The following SYN3 variants were observed in gnomAD, a reference collection of about 807,000 sequenced individuals.
SYN3 encodes the protein synapsin-3.
SYN3 carries 35 observed loss-of-function variants against 65.8 expected under a neutral mutation model. The observed-to-expected ratio is 0.53, with a 90% CI of 0.41 to 0.70. The LOEUF is 0.70. Among genes scored for constraint, SYN3 ranks in the 30% least tolerant of loss-of-function variants. The probability of loss-of-function intolerance (pLI) is 0.00; values close to 1 mark genes in which losing one functional copy is unlikely to be tolerated. For synonymous variants in SYN3, 270 were observed against 292.9 expected, an observed-to-expected ratio of 0.92 and a Z score of 0.80; for missense variants, 680 against 749.0, an observed-to-expected ratio of 0.91 and a Z score of 1.08.
In SYN3 at chr22:33,006,389, T is replaced by G; in HGVS notation, c.274A>C (p.Arg92=). Residue 92 remains arginine, a synonymous_variant, in exon 2 of 14, where the codon AGG becomes CGG. Coordinates refer to ENST00000358763, the MANE Select transcript of SYN3 (RefSeq NM_003490.4). Reference sequence around the variant, plus strand: ...GCATCATCGATCACCAACAGGATCCTGGGTCTTTGAACAATGGGCGTGGAG... The same window carrying G: ...GCATCATCGATCACCAACAGGATCCGGGGTCTTTGAACAATGGGCGTGGAG... The part of the protein sequence containing the change: ...GPSTPIVQRP[R]ILLVIDDAHT... 2 of 1,613,906 alleles carry G rather than the reference T, an allele frequency of 1.2e-6. No homozygotes were observed. Among genetic ancestry groups the G allele is most frequent in the Non-Finnish European group, 8.5e-7 (1 of 1,179,912 alleles).
chr22:32,758,705 T>TATATATATATAGA (rs1277216646), intron 6 of SYN3, among the ~76,000 whole-genome samples: 1 of 109,694 alleles, frequency 9.1e-6, no homozygotes, highest in Non-Finnish European at 2.0e-5. Flanking sequence ...TATATATGTC[T>TATATATATATAGA]TATTAGTTCT....
At chr22:32,898,903 C>A (rs893079556) in intron 4 of SYN3, among the ~76,000 whole-genome samples, 1 of 152,156 alleles carries the variant, frequency 6.6e-6, no homozygotes, top group African/African-American at 2.4e-5. Flanking sequence ...GAGACCGAGA[C>A]CATCCTAGCC....
intron 2 of SYN3, among the ~76,000 whole-genome samples, 168 bp from the exon 3 acceptor site, chr22:32,980,870 T>C (rs1390173253): frequency 1.3e-5 from 2 of 152,042 alleles, no homozygotes; most frequent in East Asian, 3.9e-4. Context: ...TTTTTTTCTT[T>C]TGAGACGGAG....
chr22:32,691,649 G>A (rs1261927249), intron 6 of SYN3, among the ~76,000 whole-genome samples: 2 of 152,018 alleles, frequency 1.3e-5, no homozygotes, highest in African/African-American at 2.4e-5. Context: ...GAGAATGAGA[G>A]CAAAGTAGTT....
intron 6 of SYN3, among the ~76,000 whole-genome samples, chr22:32,813,365 T>C (rs1414942958): frequency 6.6e-6 from 1 of 152,148 alleles, no homozygotes; most frequent in Non-Finnish European, 1.5e-5. Flanking sequence ...AGGTCCCTTC[T>C]GGAGGGGACA....
Position 32,647,733 on chromosome 22 carries a change from G to A in SYN3, c.712-50997C>T, listed in dbSNP as rs528481962. ...AAGCAATTCTTCTGCCTCAGCCTCC[G>A]GAGTAGCTGGGATTACAGGTGCGCG... is the stretch of plus-strand genomic sequence containing the variant. On this transcript the variant is annotated intron_variant, in intron 6 of 13. Coordinates refer to ENST00000358763, the MANE Select transcript of SYN3 (RefSeq NM_003490.4). 5.3e-5 allele frequency among the ~76,000 whole-genome samples: 8 copies of A among 152,040 alleles called. No individual in the cohort carries two copies. In the South Asian group the frequency reaches 8.3e-4, roughly 16 times the overall value.
intron 6 of SYN3, among the ~76,000 whole-genome samples, chr22:32,827,476 A>G (rs62232917): frequency 0.039 from 5,958 of 152,264 alleles, 157 homozygotes; most frequent in Non-Finnish European, 0.055. Context: ...ATGTGATGAT[A>G]TCTACCTCCT....
rs758872641 is a variant in SYN3, at chr22:32,676,047, C to T, written c.712-79311G>A. The stretch of plus-strand genomic sequence containing the variant: ...GTGGTCCAGAGCACTCTTCCAGCCC[C>T]AGGATGAACTCTGAGGATGAAGACT... On this transcript the variant is annotated intron_variant, in intron 6 of 13. Coordinates refer to ENST00000358763, the MANE Select transcript of SYN3 (RefSeq NM_003490.4). 3.5e-3 allele frequency among the ~76,000 whole-genome samples: 525 copies of T among 151,568 alleles called. 2 individuals carry two copies. Among genetic ancestry groups the T allele is most frequent in the Non-Finnish European group, 5.1e-3 (342 of 67,568 alleles).
chr22:33,026,677 G>A (rs932572773), intron 1 of SYN3, among the ~76,000 whole-genome samples: 20 of 152,128 alleles, frequency 1.3e-4, no homozygotes, highest in African/African-American at 4.6e-4. Flanking sequence ...GACTGGTCCT[G>A]TTGCCCCTGG....
intron 3 of SYN3, among the ~76,000 whole-genome samples, chr22:32,966,350 G>A (rs2051843850): frequency 6.6e-6 from 1 of 152,168 alleles, no homozygotes; most frequent in East Asian, 1.9e-4. Flanking sequence ...GCATGGAGAT[G>A]TGACTCCAAG....
intron 6 of SYN3, among the ~76,000 whole-genome samples, chr22:32,728,339 T>C (rs2061225202): frequency 6.6e-6 from 1 of 152,238 alleles, no homozygotes; most frequent in Admixed American, 6.5e-5. Context: ...TCTCCCATCA[T>C]GCTCCCCTGT....
At chr22:32,535,635 T>G in intron 9 of SYN3, among the ~76,000 whole-genome samples, 1 of 152,224 alleles carries the variant, frequency 6.6e-6, no homozygotes. Flanking sequence ...AAATTTGAGC[T>G]GAGGTCCAGA....
intron 4 of SYN3, among the ~76,000 whole-genome samples, chr22:32,891,712 G>A (rs185436492): frequency 2.6e-5 from 4 of 152,106 alleles, no homozygotes; most frequent in Non-Finnish European, 4.4e-5. Flanking sequence ...TGTTTTCAGG[G>A]CCACGCACAC....
intron 2 of SYN3, among the ~76,000 whole-genome samples, chr22:32,996,158 T>C (rs968193547): frequency 2.6e-5 from 4 of 152,168 alleles, no homozygotes; most frequent in Non-Finnish European, 5.9e-5. Flanking sequence ...AGAGTATCCA[T>C]TCATTCCTTA....
chr22:32,811,519 C>T (rs993530112), intron 6 of SYN3, among the ~76,000 whole-genome samples: 6 of 152,112 alleles, frequency 3.9e-5, no homozygotes, highest in Non-Finnish European at 8.8e-5. Flanking sequence ...GTGGTTTGAT[C>T]CCCCCGCCTC....
At chr22:32,793,915 T>G (rs556830142) in intron 6 of SYN3, among the ~76,000 whole-genome samples, 18 of 152,334 alleles carry the variant, frequency 1.2e-4, no homozygotes, top group Non-Finnish European at 2.2e-4. Flanking sequence ...GGGGGTAATC[T>G]TTGAATGGTG....
At chr22:32,592,477 A>C (rs1312497506) in intron 7 of SYN3, among the ~76,000 whole-genome samples, 1 of 152,164 alleles carries the variant, frequency 6.6e-6, no homozygotes, top group Non-Finnish European at 1.5e-5. Context: ...CATGATGTCC[A>C]CTATTTTTTT....
At chr22:33,026,974 T>C (rs2053650312) in intron 1 of SYN3, among the ~76,000 whole-genome samples, 1 of 152,220 alleles carries the variant, frequency 6.6e-6, no homozygotes, top group Non-Finnish European at 1.5e-5. Context: ...TTATTTTCTT[T>C]CCTTCTTCCC....
chr22:32,836,170 G>C (rs130299), intron 6 of SYN3, among the ~76,000 whole-genome samples: 11 of 151,698 alleles, frequency 7.3e-5, no homozygotes, highest in Non-Finnish European at 1.6e-4. Context: ...ACATTTTGGG[G>C]AATGGTTTTA....
Sources: gnomAD v4.1 joint callset for allele counts (sites outside exome capture counted in the v4.1 genomes callset) on GRCh38, gnomAD v4.1.1 for gene constraint, MANE v1.5 for transcripts, NCBI Gene and HGNC (gene_info 2026-07-23, HGNC 2026-07-21) for gene names.